Variants in MTUS2 observed in about 807,000 individuals in gnomAD.
MTUS2 encodes microtubule associated scaffold protein 2, also known as microtubule-associated tumor suppressor candidate 2.
A neutral mutation model predicts 114.1 loss-of-function variants in MTUS2; 40 were observed. The observed-to-expected ratio is 0.35, with a 90% confidence interval of 0.27 to 0.46. The LOEUF (loss-of-function observed/expected upper bound fraction) is 0.46, where lower values mean the gene tolerates loss of function less well. Among genes scored for constraint, MTUS2 ranks in the 20% least tolerant of loss-of-function variants. The pLI is 1.00. For missense variants in MTUS2, 1,679 were observed against 1,705.4 expected (o/e 0.98, Z 0.27); for synonymous variants, 688 against 672.0 (o/e 1.02, Z -0.37).
chr13:29,450,435 G>A (rs9508459), intron 9 of MTUS2, among the ~76,000 whole-genome samples: 51,598 of 151,872 alleles, frequency 0.34, 10,498 homozygotes, highest in Admixed American at 0.48. Flanking sequence ...AAGAATAGTG[G>A]GTGCTCAGTG....
intron 2 of MTUS2, among the ~76,000 whole-genome samples, chr13:28,955,181 G>C (rs982700777): frequency 1.3e-5 from 2 of 152,054 alleles, no homozygotes; most frequent in Non-Finnish European, 2.9e-5. Context: ...TTACATCTGC[G>C]CCCCTGCCAC....
chr13:28,906,818 A>T (rs1880050393), intron 2 of MTUS2, among the ~76,000 whole-genome samples: 1 of 151,550 alleles, frequency 6.6e-6, no homozygotes, highest in South Asian at 2.1e-4. Flanking sequence ...ACCAAGTTGG[A>T]AAACACTTTG....
At chr13:29,196,528 A>G (rs959680101) in intron 5 of MTUS2, among the ~76,000 whole-genome samples, 2 of 152,136 alleles carry the variant, frequency 1.3e-5, no homozygotes, top group African/African-American at 4.8e-5. Context: ...AAGTACATTC[A>G]TAATGTTGTG....
At chr13:29,027,445 A>T (rs1886608496) in intron 3 of MTUS2, among the ~76,000 whole-genome samples, 1 of 152,216 alleles carries the variant, frequency 6.6e-6, no homozygotes, top group African/African-American at 2.4e-5. Flanking sequence ...CCAGCTCTAC[A>T]CTGGGCCCAT....
At chr13:29,290,416 G>A (rs185758087) in intron 6 of MTUS2, among the ~76,000 whole-genome samples, 2,165 of 152,162 alleles carry the variant, frequency 0.014, 26 homozygotes, top group Non-Finnish European at 0.02. Context: ...TGCAACCTCC[G>A]CCTCCCGGGT....
intron 4 of MTUS2, among the ~76,000 whole-genome samples, chr13:29,081,903 G>A (rs2138732903): frequency 6.6e-6 from 1 of 152,284 alleles, no homozygotes; most frequent in South Asian, 2.1e-4. Context: ...ATAAAAATAT[G>A]CAGATGGAAT....
chr13:29,495,457 A>G (rs2138997969), intron 12 of MTUS2, among the ~76,000 whole-genome samples: 1 of 152,046 alleles, frequency 6.6e-6, no homozygotes, highest in East Asian at 1.9e-4. Flanking sequence ...GTCCTCCACC[A>G]TAAGAAAGCA....
intron 2 of MTUS2, among the ~76,000 whole-genome samples, chr13:29,012,824 A>T (rs1008606325): frequency 6.6e-5 from 10 of 151,904 alleles, no homozygotes; most frequent in South Asian, 2.1e-4. Context: ...CAGTGAGCCG[A>T]GATCGCACCA....
intron 5 of MTUS2, among the ~76,000 whole-genome samples, chr13:29,107,027 C>A (rs1312555613): frequency 6.6e-6 from 1 of 151,994 alleles, no homozygotes; most frequent in Non-Finnish European, 1.5e-5. Context: ...TGATTTAAAC[C>A]ATTCATCTCT....
At chr13:29,155,916 C>T (rs3011461) in intron 5 of MTUS2, among the ~76,000 whole-genome samples, 4 of 151,888 alleles carry the variant, frequency 2.6e-5, no homozygotes, top group Non-Finnish European at 5.9e-5. Flanking sequence ...TATTTAACAA[C>T]TAGTATAGCA....
intron 8 of MTUS2, among the ~76,000 whole-genome samples, chr13:29,412,204 G>A (rs1875294098): frequency 6.6e-6 from 1 of 152,116 alleles, no homozygotes; most frequent in African/African-American, 2.4e-5. Flanking sequence ...GTAAAATAGT[G>A]GCTTTAGAAC....
At chr13:28,932,232 G>T (rs1473107992) in intron 2 of MTUS2, among the ~76,000 whole-genome samples, 1 of 152,180 alleles carries the variant, frequency 6.6e-6, no homozygotes, top group Non-Finnish European at 1.5e-5. Context: ...ACAATTGTGT[G>T]ACCTTAGTTA....
chr13:29,064,727 A>AG (rs1312510870), intron 4 of MTUS2, among the ~76,000 whole-genome samples: 1 of 152,142 alleles, frequency 6.6e-6, no homozygotes, highest in Admixed American at 6.5e-5. Context: ...TTTGTCACCC[A>AG]GGTACTAAGC....
chr13:29,074,102 A>G (rs1057320554), intron 4 of MTUS2, among the ~76,000 whole-genome samples: 1 of 151,956 alleles, frequency 6.6e-6, no homozygotes, highest in Non-Finnish European at 1.5e-5. Context: ...CACATAGCAA[A>G]TCATACCCAG....
At chr13:29,274,511 C>T (rs1308776613) in intron 5 of MTUS2, among the ~76,000 whole-genome samples, 1 of 152,200 alleles carries the variant, frequency 6.6e-6, no homozygotes, top group Non-Finnish European at 1.5e-5. Flanking sequence ...AGTTTCTCCA[C>T]ATCCCTATCA....
rs1887586685 is a variant in MTUS2 at position 29,045,788 on chromosome 13, A to G, written c.2446+11663A>G. Among the ~76,000 whole-genome samples, 2 of 152,168 alleles carry G rather than the reference A, an allele frequency of 1.3e-5. 1 individual carries two copies. Among genetic ancestry groups the G allele is most frequent in the South Asian group, 4.2e-4 (2 of 4,818 alleles). On this transcript the variant is annotated intron_variant, in intron 4 of 15. Transcript: ENST00000612955. Reference sequence around the variant, plus strand: ...TCGGGCCTTTGGGCCTTCAAATGACATCTGGCCTAGGAGAGAAGCTTTCTG... The same window carrying G: ...TCGGGCCTTTGGGCCTTCAAATGACGTCTGGCCTAGGAGAGAAGCTTTCTG...
chr13:29,426,347 T>G (rs1252840769), intron 8 of MTUS2, among the ~76,000 whole-genome samples: 1 of 152,254 alleles, frequency 6.6e-6, no homozygotes, highest in Non-Finnish European at 1.5e-5. Flanking sequence ...ACGAGGGATT[T>G]ATCCTGCTTT....
At chr13:28,965,612 ATG>A (rs1022970200) in intron 2 of MTUS2, among the ~76,000 whole-genome samples, 4 of 152,110 alleles carry the variant, frequency 2.6e-5, no homozygotes, top group Middle Eastern at 3.4e-3. Flanking sequence ...ATATACATAT[ATG>A]TGTGTGTGTG....
intron 8 of MTUS2, among the ~76,000 whole-genome samples, chr13:29,401,068 A>G (rs951910201): frequency 2.6e-5 from 4 of 152,032 alleles, no homozygotes; most frequent in Non-Finnish European, 5.9e-5. Context: ...GCTCACTGCA[A>G]ACGCCACCTC....
Sources: gnomAD v4.1 joint callset for allele counts (sites outside exome capture counted in the v4.1 genomes callset) on GRCh38, gnomAD v4.1.1 for gene constraint, MANE v1.5 for transcripts, NCBI Gene and HGNC (gene_info 2026-07-23, HGNC 2026-07-21) for gene names.